PDE4D: variants seen among roughly 807,000 people sequenced by gnomAD.
PDE4D encodes 3',5'-cyclic-AMP phosphodiesterase 4D.
Under a neutral mutation model 87.4 loss-of-function variants are expected in PDE4D, and 24 were observed. The observed-to-expected ratio is 0.27, with a 90% CI of 0.20 to 0.39. PDE4D has a LOEUF of 0.39. Ranked by LOEUF, PDE4D falls within the 10% of genes least tolerant of loss-of-function variation. The probability of loss-of-function intolerance (pLI) is 1.00; values close to 1 mark genes in which losing one functional copy is unlikely to be tolerated. For synonymous variants in PDE4D, 384 were observed against 383.2 expected (o/e 1.00, Z -0.02); for missense variants, 714 against 1,041.0 (o/e 0.69, Z 4.32).
At chr5:59,727,275 A>G (rs1357909491) in intron 1 of PDE4D, among the ~76,000 whole-genome samples, 5 of 152,090 alleles carry the variant, frequency 3.3e-5, no homozygotes, top group Non-Finnish European at 7.4e-5. Context: ...AATACAACAT[A>G]ATTTTTGAGT....
intron 3 of PDE4D, among the ~76,000 whole-genome samples, chr5:59,919,415 G>T (rs955464799): frequency 6.6e-6 from 1 of 152,098 alleles, no homozygotes; most frequent in Non-Finnish European, 1.5e-5. Context: ...TTTCTAGGAG[G>T]TTTATTCTTT....
intron 2 of PDE4D, among the ~76,000 whole-genome samples, chr5:60,096,206 C>G (rs1775664633): frequency 6.6e-6 from 1 of 151,914 alleles, no homozygotes; most frequent in Non-Finnish European, 1.5e-5. Flanking sequence ...AGTTTTTCTT[C>G]TAGGGTTTTT....
chr5:59,650,719 G>C (rs529989088), intron 1 of PDE4D, among the ~76,000 whole-genome samples: 8 of 152,208 alleles, frequency 5.3e-5, no homozygotes, highest in African/African-American at 1.9e-4. Context: ...GTAGCAGCTT[G>C]ATAAAAGATC....
At chr5:59,430,281 G>C in intron 1 of PDE4D, 1 of 1,231,090 alleles carries the variant, frequency 8.1e-7, no homozygotes, top group Non-Finnish European at 1.0e-6. Context: ...CTAGAGGAAA[G>C]GAAAGCAGTT....
intron 2 of PDE4D, among the ~76,000 whole-genome samples, chr5:60,028,914 A>G (rs1015066754): frequency 6.6e-6 from 1 of 152,136 alleles, no homozygotes; most frequent in Non-Finnish European, 1.5e-5. Flanking sequence ...CTCCAGTCAG[A>G]TTACCCTTTC....
At chr5:60,432,845 G>A (rs535698060) in intron 1 of PDE4D, among the ~76,000 whole-genome samples, 7 of 152,234 alleles carry the variant, frequency 4.6e-5, no homozygotes, top group African/African-American at 1.2e-4. Flanking sequence ...CTCCCTATTC[G>A]ATAAATGGTT....
At chr5:59,203,323 T>A (rs980571189) in intron 2 of PDE4D, among the ~76,000 whole-genome samples, 2 of 150,626 alleles carry the variant, frequency 1.3e-5, no homozygotes, top group Non-Finnish European at 3.0e-5. Context: ...TTTTTTTTAA[T>A]CAAAAAAAGG....
intron 1 of PDE4D, among the ~76,000 whole-genome samples, chr5:59,395,047 G>C (rs372619884): frequency 6.6e-6 from 1 of 152,212 alleles, no homozygotes; most frequent in East Asian, 1.9e-4. Context: ...AGCACACCAC[G>C]AGATTATATC....
chr5:59,585,968 C>T (rs1178728706), intron 1 of PDE4D, among the ~76,000 whole-genome samples: 1 of 152,136 alleles, frequency 6.6e-6, no homozygotes. Flanking sequence ...CATGTGTGCC[C>T]TTCCCCAGGG....
In PDE4D at chr5:60,197,017, G is replaced by A. The variant is rs79852475; in HGVS notation, c.-89-11330C>T. On this transcript the variant is annotated intron_variant, in intron 1 of 16. Coordinates refer to the PDE4D transcript ENST00000502484. ...TGCCTCTCTGGCAAAAACAAGATAGGCAGATAGATAGATAGATAGATAGAT... is the reference window on the plus strand; with the variant it reads ...TGCCTCTCTGGCAAAAACAAGATAGACAGATAGATAGATAGATAGATAGAT... 1.0e-4 allele frequency among the ~76,000 whole-genome samples: 9 copies of A among 85,906 alleles called. No homozygotes were observed. The East Asian group carries it at 3.1e-3, about 30-fold the overall frequency. The allele number at this position is 85,906 out of a possible 152,430, so 56.4% of individuals were successfully genotyped here.
At chr5:60,256,544 G>A (rs1367443425) in intron 1 of PDE4D, among the ~76,000 whole-genome samples, 1 of 151,802 alleles carries the variant, frequency 6.6e-6, no homozygotes, top group Non-Finnish European at 1.5e-5. Flanking sequence ...TAGAACGAAA[G>A]AGAATCAAAC....
chr5:59,772,957 G>A (rs547586087), intron 1 of PDE4D, among the ~76,000 whole-genome samples: 8 of 152,260 alleles, frequency 5.3e-5, no homozygotes, highest in South Asian at 4.1e-4. Context: ...GAAATAGGAC[G>A]ATAATAATGA....
chr5:59,346,616 A>C (rs1014147041), intron 1 of PDE4D, among the ~76,000 whole-genome samples: 3 of 152,092 alleles, frequency 2.0e-5, no homozygotes, highest in African/African-American at 7.2e-5. Context: ...CTTTAGGAAA[A>C]AAACCTGACG....
At chr5:59,854,871 G>T (rs1745196259) in intron 1 of PDE4D, among the ~76,000 whole-genome samples, 1 of 152,088 alleles carries the variant, frequency 6.6e-6, no homozygotes, top group Non-Finnish European at 1.5e-5. Flanking sequence ...AGGAATGGGG[G>T]ACAGCCATGT....
intron 1 of PDE4D, chr5:60,262,408 G>T (rs1030122715): frequency 1.3e-5 from 2 of 152,094 alleles, no homozygotes; most frequent in African/African-American, 4.8e-5. Flanking sequence ...ACTTGTTCTG[G>T]GACCTTAGAC....
chr5:59,281,162 T>G (rs1272955522), intron 1 of PDE4D, among the ~76,000 whole-genome samples: 2 of 152,144 alleles, frequency 1.3e-5, no homozygotes, highest in African/African-American at 4.8e-5. Flanking sequence ...AACTCTTCCA[T>G]CTTCCAAAGT....
At chr5:60,072,466 C>G (rs1258854096) in intron 2 of PDE4D, among the ~76,000 whole-genome samples, 1 of 152,114 alleles carries the variant, frequency 6.6e-6, no homozygotes, top group Non-Finnish European at 1.5e-5. Context: ...TGTCTATTTT[C>G]TCTGTTGGTA....
intron 5 of PDE4D, among the ~76,000 whole-genome samples, chr5:59,053,655 G>GTTTTTTTTTTTTTTTTTT (rs1367942598): frequency 1.3e-5 from 1 of 74,896 alleles, no homozygotes; most frequent in East Asian, 2.7e-4. Context: ...GTTTTTTTTT[G>GTTTTTTTTTTTTTTTTTT]TTGTTGTTTT....
intron 6 of PDE4D, among the ~76,000 whole-genome samples, chr5:59,036,716 A>G (rs1479296751): frequency 6.6e-6 from 1 of 152,232 alleles, no homozygotes; most frequent in Non-Finnish European, 1.5e-5. Context: ...TAAGTTAAAG[A>G]AGACACGAAT....
Sources: allele counts gnomAD v4.1 joint callset (sites outside exome capture counted in the v4.1 genomes callset), GRCh38; gene constraint gnomAD v4.1.1; transcripts MANE v1.5; gene names NCBI Gene and HGNC (gene_info 2026-07-23, HGNC 2026-07-21).